The following CNTN3 variants were observed in gnomAD, a reference collection of about 807,000 sequenced individuals.
CNTN3 encodes contactin 3, also known as contactin-3.
A neutral mutation model predicts 119.1 loss-of-function variants in CNTN3; 60 were observed. The ratio of observed to expected loss-of-function variants is 0.50; its 90% confidence interval spans 0.41 to 0.62. The LOEUF (loss-of-function observed/expected upper bound fraction) is 0.62, where lower values mean the gene tolerates loss of function less well. Among genes scored for constraint, CNTN3 ranks in the 20% least tolerant of loss-of-function variants. The probability of loss-of-function intolerance (pLI) is 0.00; values close to 1 mark genes in which losing one functional copy is unlikely to be tolerated. For missense variants in CNTN3, 1,101 were observed against 1,242.4 expected, an observed-to-expected ratio of 0.89 and a Z score of 1.71; for synonymous variants, 450 against 438.7, an observed-to-expected ratio of 1.03 and a Z score of -0.32.
At chr3:74,567,314 ATTTTTTTTTTT>A (rs67671839) in intron 1 of CNTN3, among the ~76,000 whole-genome samples, 103 of 82,724 alleles carry the variant, frequency 1.2e-3, no homozygotes, top group Non-Finnish European at 1.4e-3. Flanking sequence ...CAAATTTTTA[ATTTTTTTTTTT>A]TTTTTTTTTT....
intron 5 of CNTN3, among the ~76,000 whole-genome samples, chr3:74,423,350 G>A (rs959402333): frequency 6.6e-6 from 1 of 152,224 alleles, no homozygotes; most frequent in African/African-American, 2.4e-5. Context: ...GAATTGCCCA[G>A]TGTTGGTCAG....
chr3:74,330,627 C>G (rs1472134743), intron 13 of CNTN3, among the ~76,000 whole-genome samples: 3 of 151,996 alleles, frequency 2.0e-5, no homozygotes, highest in African/African-American at 7.3e-5. Context: ...AAAAAGTTAA[C>G]TATAAAAGAG....
At chr3:74,537,116 A>G (rs978995345) in intron 1 of CNTN3, among the ~76,000 whole-genome samples, 6 of 152,098 alleles carry the variant, frequency 3.9e-5, no homozygotes, top group African/African-American at 1.2e-4. Context: ...ATAGTACAAT[A>G]GATAACATTA....
At chr3:74,517,804 A>T (rs1426750874) in intron 2 of CNTN3, among the ~76,000 whole-genome samples, 5 of 151,490 alleles carry the variant, frequency 3.3e-5, no homozygotes, top group African/African-American at 1.2e-4. Context: ...TCATCCTTAA[A>T]CCTTCTCCTC....
intron 4 of CNTN3, among the ~76,000 whole-genome samples, chr3:74,464,172 C>T (rs1156655543): frequency 2.0e-5 from 3 of 152,112 alleles, no homozygotes; most frequent in Non-Finnish European, 4.4e-5. Context: ...TATAAGGATA[C>T]AATGAGATAA....
At chr3:74,313,608 G>A (rs764522318) in intron 13 of CNTN3, among the ~76,000 whole-genome samples, 2 of 152,134 alleles carry the variant, frequency 1.3e-5, no homozygotes, top group Non-Finnish European at 2.9e-5. Flanking sequence ...CTGTGCATAC[G>A]TGGGAGTCTT....
intron 5 of CNTN3, among the ~76,000 whole-genome samples, chr3:74,373,139 G>A (rs1417907912): frequency 2.6e-5 from 4 of 152,102 alleles, no homozygotes; most frequent in Non-Finnish European, 4.4e-5. Flanking sequence ...GTCACTTATC[G>A]GGTTGTATGA....
rs865924280 is a variant in CNTN3 at position 74,587,429 on chromosome 3, C to T, written c.-81+26962G>A. The stretch of plus-strand genomic sequence containing the variant: ...CACAACTTATCATGTTCCCTTTTTA[C>T]GTCATTACAAGACTGGAAGCACACA... On this transcript the variant is annotated intron_variant, in intron 1 of 22. Coordinates refer to ENST00000263665, the MANE Select transcript of CNTN3 (RefSeq NM_020872.3). Among the ~76,000 whole-genome samples, 3 of 151,864 alleles carry T rather than the reference C, an allele frequency of 2.0e-5. No individual in the cohort carries two copies. The South Asian group carries it at 6.2e-4, about 32-fold the overall frequency.
intron 1 of CNTN3, among the ~76,000 whole-genome samples, chr3:74,543,171 C>G (rs1703865601): frequency 6.6e-6 from 1 of 151,928 alleles, no homozygotes; most frequent in Admixed American, 6.6e-5. Context: ...TCAAAGGATT[C>G]AACAGGCAGA....
At chr3:74,498,122 C>A (rs1008218758) in intron 3 of CNTN3, among the ~76,000 whole-genome samples, 21 of 151,776 alleles carry the variant, frequency 1.4e-4, no homozygotes, top group African/African-American at 4.8e-4. Context: ...ACTTTACTGA[C>A]AACAGAAAAA....
chr3:74,488,296 G>A (rs1217913672), intron 3 of CNTN3, among the ~76,000 whole-genome samples: 1 of 151,870 alleles, frequency 6.6e-6, no homozygotes, highest in Non-Finnish European at 1.5e-5. Context: ...TGTATTTTTA[G>A]TAGAGACAGG....
At chr3:74,496,955 A>G (rs572097524) in intron 3 of CNTN3, among the ~76,000 whole-genome samples, 4 of 152,118 alleles carry the variant, frequency 2.6e-5, no homozygotes, top group African/African-American at 4.8e-5. Context: ...GCATCAGTCT[A>G]TAAGGCAGGA....
intron 1 of CNTN3, among the ~76,000 whole-genome samples, chr3:74,610,007 C>G (rs1705053911): frequency 6.6e-6 from 1 of 151,950 alleles, no homozygotes; most frequent in African/African-American, 2.4e-5. Flanking sequence ...ACACTGTGGC[C>G]TAAGGGATGA....
intron 22 of CNTN3, 67 bp from the exon 23 acceptor site, chr3:74,264,568 T>C (rs1575684659): frequency 9.2e-6 from 9 of 974,324 alleles, no homozygotes; most frequent in Non-Finnish European, 1.4e-5. Context: ...TGCTAGAGAC[T>C]GGATATTTGT....
intron 1 of CNTN3, among the ~76,000 whole-genome samples, chr3:74,579,126 T>C (rs1704463031): frequency 6.6e-6 from 1 of 151,550 alleles, no homozygotes; most frequent in Non-Finnish European, 1.5e-5. Flanking sequence ...TCAGACAAAG[T>C]AGACTTCAAG....
rs890402876 is a variant in CNTN3 at position 74,498,117 on chromosome 3, A to G, written c.182+1542T>C. ...GATAAACACCAGGAAATACAACTTT[A>G]CTGACAACAGAAAAACAGCCCACAC... On this transcript the variant is annotated intron_variant, in intron 3 of 22. Transcript: ENST00000263665. 3.9e-5 allele frequency among the ~76,000 whole-genome samples: 6 copies of G among 151,982 alleles called. No homozygotes were observed. The East Asian group carries it at 1.2e-3, about 29-fold the overall frequency.
At chr3:74,571,264 A>G (rs1011076083) in intron 1 of CNTN3, among the ~76,000 whole-genome samples, 4 of 152,178 alleles carry the variant, frequency 2.6e-5, no homozygotes, top group African/African-American at 9.7e-5. Context: ...CAGCAGCGGC[A>G]TCCACAGCAG....
chr3:74,507,794 G>A (rs62268703), intron 2 of CNTN3, among the ~76,000 whole-genome samples: 18,919 of 151,766 alleles, frequency 0.12, 1,317 homozygotes, highest in East Asian at 0.26. Flanking sequence ...GCCACACCCG[G>A]CTAACTTTCT....
intron 21 of CNTN3, among the ~76,000 whole-genome samples, chr3:74,266,889 C>T (rs960847107): frequency 1.1e-4 from 17 of 152,066 alleles, no homozygotes; most frequent in African/African-American, 3.9e-4. Flanking sequence ...CCCAGCTGGG[C>T]TGCGTATTTA....
Sources: allele counts gnomAD v4.1 joint callset (sites outside exome capture counted in the v4.1 genomes callset), GRCh38; gene constraint gnomAD v4.1.1; transcripts MANE v1.5; gene names NCBI Gene and HGNC (gene_info 2026-07-23, HGNC 2026-07-21).